Variants in PRKG1 observed in about 807,000 individuals in gnomAD.
PRKG1 encodes the protein cGMP-dependent protein kinase 1.
PRKG1 carries 35 observed loss-of-function variants against 88.1 expected under a neutral mutation model. The ratio of observed to expected loss-of-function variants is 0.40; its 90% CI spans 0.30 to 0.53. PRKG1 has a LOEUF of 0.53. PRKG1 is among the 20% of genes least tolerant of loss of function. The pLI is 0.59. For missense variants in PRKG1, 540 were observed against 839.8 expected (o/e 0.64, Z 4.41); for synonymous variants, 303 against 292.5 (o/e 1.04, Z -0.37).
At chr10:52,240,184 G>A (rs12355958) in intron 9 of PRKG1, among the ~76,000 whole-genome samples, 15,295 of 152,148 alleles carry the variant, frequency 0.1, 1,175 homozygotes, top group African/African-American at 0.21. Flanking sequence ...GCAGGATCAA[G>A]GTTCACATAT....
chr10:52,081,004 T>C (rs1400306496), intron 7 of PRKG1, among the ~76,000 whole-genome samples: 1 of 152,074 alleles, frequency 6.6e-6, no homozygotes, highest in Non-Finnish European at 1.5e-5. Flanking sequence ...GCATCATAGC[T>C]CAACTTCTCC....
intron 2 of PRKG1, among the ~76,000 whole-genome samples, chr10:51,439,061 G>A (rs1839019758): frequency 6.6e-6 from 1 of 151,130 alleles, no homozygotes; most frequent in African/African-American, 2.4e-5. Flanking sequence ...TCTGAATTTT[G>A]AAATATATTA....
chr10:51,022,404 T>G (rs921965133), intron 1 of PRKG1, among the ~76,000 whole-genome samples: 1 of 152,206 alleles, frequency 6.6e-6, no homozygotes, highest in African/African-American at 2.4e-5. Context: ...CTTGTTCAGA[T>G]CCATTTCACC....
intron 1 of PRKG1, among the ~76,000 whole-genome samples, chr10:50,992,620 C>A (rs764312958): frequency 1.3e-4 from 20 of 152,218 alleles, no homozygotes; most frequent in Non-Finnish European, 2.8e-4. Context: ...AGAGACAAAT[C>A]CTGCCAGTTC....
At chr10:51,954,887 A>AC (rs1204471201) in intron 5 of PRKG1, among the ~76,000 whole-genome samples, 15 of 152,146 alleles carry the variant, frequency 9.9e-5, no homozygotes, top group Non-Finnish European at 1.5e-4. Flanking sequence ...CCAACCATGT[A>AC]CCTACCTATC....
rs565578326 is a variant in PRKG1, at chr10:52,215,394, C to CAA, written c.1077-36160_1077-36159dup. ...GGGCGACAAGAGCAAAACTCCATCTCAAAAAAAAAAAAAAAAAGTATATTT... is the reference window on the plus strand; with the variant it reads ...GGGCGACAAGAGCAAAACTCCATCTCAAAAAAAAAAAAAAAAAAAGTATATTT... On this transcript the variant is annotated intron_variant, in intron 9 of 17. Coordinates refer to ENST00000373980, the MANE Select transcript of PRKG1 (RefSeq NM_006258.4). 4.3e-3 allele frequency among the ~76,000 whole-genome samples: 412 copies of CAA among 95,832 alleles called. 2 individuals are homozygous for CAA. The highest frequency in any genetic ancestry group is 0.015 in the African/African-American group (384 of 25,492). The allele number at this position is 95,832 out of a possible 152,430, so 62.9% of individuals were successfully genotyped here. A position where few individuals can be genotyped will look rare whatever the true frequency, so the allele number is the denominator to read the frequency against.
At chr10:51,641,477 C>G (rs958838634) in intron 3 of PRKG1, among the ~76,000 whole-genome samples, 1 of 152,108 alleles carries the variant, frequency 6.6e-6, no homozygotes, top group African/African-American at 2.4e-5. Flanking sequence ...AATATTTCTG[C>G]TGGAGTCTGT....
chr10:51,983,859 A>C (rs2133114609), intron 5 of PRKG1, among the ~76,000 whole-genome samples: 1 of 152,350 alleles, frequency 6.6e-6, no homozygotes, highest in African/African-American at 2.4e-5. Flanking sequence ...GGGGTCAGGA[A>C]CAAGTCCAGG....
chr10:51,454,014 A>C (rs747536503), intron 2 of PRKG1, among the ~76,000 whole-genome samples: 5 of 152,202 alleles, frequency 3.3e-5, no homozygotes, highest in Admixed American at 3.3e-4. Flanking sequence ...TCAAAAATAA[A>C]ATGCTTAGGA....
chr10:52,183,921 C>A (rs926575367), intron 9 of PRKG1, among the ~76,000 whole-genome samples: 6 of 152,146 alleles, frequency 3.9e-5, no homozygotes, highest in African/African-American at 1.4e-4. Context: ...AGTGTTCTTC[C>A]ATTTACCTTT....
At chr10:52,040,524 G>A (rs1845729533) in intron 5 of PRKG1, among the ~76,000 whole-genome samples, 1 of 152,146 alleles carries the variant, frequency 6.6e-6, no homozygotes, top group Non-Finnish European at 1.5e-5. Flanking sequence ...AATGAACTAA[G>A]TTTAAAATAG....
chr10:51,570,108 A>G (rs1837712465), intron 3 of PRKG1, among the ~76,000 whole-genome samples: 1 of 137,532 alleles, frequency 7.3e-6, no homozygotes, highest in Non-Finnish European at 1.5e-5. Flanking sequence ...TGATATAAGG[A>G]TATGTGATAT....
At chr10:51,716,542 A>C (rs745485616) in intron 3 of PRKG1, among the ~76,000 whole-genome samples, 3 of 151,986 alleles carry the variant, frequency 2.0e-5, no homozygotes, top group Non-Finnish European at 4.4e-5. Context: ...ATAACCCAGC[A>C]CTCCCAGAGT....
intron 5 of PRKG1, among the ~76,000 whole-genome samples, chr10:51,979,795 A>T (rs961263683): frequency 6.6e-6 from 1 of 151,778 alleles, no homozygotes; most frequent in African/African-American, 2.4e-5. Flanking sequence ...AGTGTTCATA[A>T]TATTCTTTGA....
At chr10:52,111,364 C>T (rs918483210) in intron 7 of PRKG1, among the ~76,000 whole-genome samples, 2 of 152,204 alleles carry the variant, frequency 1.3e-5, no homozygotes, top group Non-Finnish European at 2.9e-5. Context: ...AACAATTTTG[C>T]TCCATTGGCA....
In PRKG1 at chr10:51,500,681, A is replaced by G. The variant is rs529534630; in HGVS notation, c.592+32845A>G. 5.3e-5 allele frequency among the ~76,000 whole-genome samples: 8 copies of G among 152,226 alleles called. No individual in the cohort carries two copies. The South Asian group carries it at 1.5e-3, about 28-fold the overall frequency. ...CTGCATTTATTCTGTTGTTCTGGCT[A>G]CCAAAATCCCCTTTCTCTGTTTTGA... is the stretch of plus-strand genomic sequence containing the variant. On this transcript the variant is annotated intron_variant, in intron 3 of 17. Coordinates refer to ENST00000373980, the MANE Select transcript of PRKG1 (RefSeq NM_006258.4).
intron 2 of PRKG1, among the ~76,000 whole-genome samples, chr10:51,412,578 A>G (rs1363091003): frequency 6.6e-6 from 1 of 152,182 alleles, no homozygotes; most frequent in Non-Finnish European, 1.5e-5. Flanking sequence ...CGGGAGGCGG[A>G]GGTTGCAGTG....
chr10:52,156,546 T>C (rs1838105261), intron 8 of PRKG1, among the ~76,000 whole-genome samples: 1 of 151,814 alleles, frequency 6.6e-6, no homozygotes, highest in Non-Finnish European at 1.5e-5. Flanking sequence ...AATAAATGGA[T>C]GGATAACTGG....
intron 9 of PRKG1, among the ~76,000 whole-genome samples, chr10:52,200,621 G>A (rs1224056104): frequency 1.3e-5 from 2 of 152,128 alleles, no homozygotes; most frequent in Non-Finnish European, 2.9e-5. Flanking sequence ...TAAGTTCTTT[G>A]AGAAATTATC....
Sources: gnomAD v4.1 joint callset for allele counts (sites outside exome capture counted in the v4.1 genomes callset) on GRCh38, gnomAD v4.1.1 for gene constraint, MANE v1.5 for transcripts, NCBI Gene and HGNC (gene_info 2026-07-23, HGNC 2026-07-21) for gene names.